The following TAF8 variants were observed in gnomAD, a reference collection of about 807,000 sequenced individuals.
The protein encoded by TAF8 is transcription initiation factor TFIID subunit 8.
A neutral mutation model predicts 36.5 loss-of-function variants in TAF8; 47 were observed. The observed-to-expected ratio is 1.29, with a 90% CI of 1.02 to 1.64. The LOEUF is 1.64. Ranked by LOEUF, TAF8 falls within the 40% of genes most tolerant of loss-of-function variation. TAF8 has a pLI of 0.00. For synonymous variants in TAF8, 175 were observed against 159.5 expected (o/e 1.10, Z -0.73); for missense variants, 420 against 407.6 (o/e 1.03, Z -0.26).
chr6:42,079,461 TAAC>T lies in TAF8; in HGVS notation c.*1921_*1923del, dbSNP rs1383405769. 1.0e-6 allele frequency: 1 copy of T among 985,338 alleles called. No homozygotes were observed. The highest frequency in any genetic ancestry group is 1.2e-6 in the Non-Finnish European group (1 of 829,938). The allele number at this position is 985,338 out of a possible 1,614,324, so 61.0% of individuals were successfully genotyped here. On this transcript the variant is annotated 3_prime_UTR_variant, in exon 9 of 9. Coordinates refer to ENST00000372977, the MANE Select transcript of TAF8 (RefSeq NM_138572.3). ...AAACTAAATCCAAGGAAGAAAAATG[TAAC>T]AACACGTGGAAGTGAACACTGGATG...
chr6:42,077,794 C>T lies in TAF8; in HGVS notation c.*249C>T. On this transcript the variant is annotated 3_prime_UTR_variant, in exon 9 of 9. Coordinates refer to ENST00000372977, the MANE Select transcript of TAF8 (RefSeq NM_138572.3). ...ATTTTGAGATGGAGTCTTACTCTATCACCCAGGCTGGAATGCAGTGGTGTG... is the reference window on the plus strand; with the variant it reads ...ATTTTGAGATGGAGTCTTACTCTATTACCCAGGCTGGAATGCAGTGGTGTG... 1 of 1,314,230 alleles carries T rather than the reference C, an allele frequency of 7.6e-7. No homozygotes were observed. The highest frequency in any genetic ancestry group is 9.8e-7 in the Non-Finnish European group (1 of 1,017,722). 81.4% of individuals were successfully genotyped at this position (1,314,230 alleles called of 1,614,324 possible). A position where few individuals can be genotyped will look rare whatever the true frequency, so the allele number is the denominator to read the frequency against.
chr6:42,061,084 G>C (rs529670432), intron 5 of TAF8, among the ~76,000 whole-genome samples: 30 of 152,218 alleles, frequency 2.0e-4, no homozygotes, highest in African/African-American at 6.0e-4. Flanking sequence ...AGTTATCTGA[G>C]ACCTGCACTT....
rs58805733 is a variant in TAF8, at chr6:42,081,170, A to AGTGTGT, written c.*3641_*3646dup. On this transcript the variant is annotated 3_prime_UTR_variant, in exon 9 of 9. Transcript: ENST00000372977. The stretch of plus-strand genomic sequence containing the variant: ...TGTCCTTTATTTTCTTTCCTCCTGG[A>AGTGTGT]GTGTGTGTGTGTGTGTGTGTGCGTG... 871 of 137,070 alleles carry AGTGTGT rather than the reference A, an allele frequency of 6.4e-3. 5 individuals carry two copies. The highest frequency in any genetic ancestry group is 0.014 in the Middle Eastern group (4 of 282). The allele number at this position is 137,070 out of a possible 1,614,324, so 8.5% of individuals were successfully genotyped here.
intron 7 of TAF8, among the ~76,000 whole-genome samples, chr6:42,075,257 G>T (rs1765704229): frequency 1.3e-5 from 2 of 152,264 alleles, no homozygotes; most frequent in South Asian, 4.1e-4. Context: ...CCGGCACCTG[G>T]TCTGGCCTGA....
In TAF8 at chr6:42,079,601, C is replaced by A. The variant is rs749247171; in HGVS notation, c.*2056C>A. 51 of 980,990 alleles carry A rather than the reference C, an allele frequency of 5.2e-5. No individual in the cohort carries two copies. Among genetic ancestry groups the A allele is most frequent in the Non-Finnish European group, 5.8e-5 (48 of 826,278 alleles). The allele number at this position is 980,990 out of a possible 1,614,324, so 60.8% of individuals were successfully genotyped here. A position where few individuals can be genotyped will look rare whatever the true frequency, so the allele number is the denominator to read the frequency against. ...ATTTTGAGACAGGGTCTCGCTGTGTCGCCCCAGCTGGAGTATAGTGGCACT... is the reference window on the plus strand; with the variant it reads ...ATTTTGAGACAGGGTCTCGCTGTGTAGCCCCAGCTGGAGTATAGTGGCACT... On this transcript the variant is annotated 3_prime_UTR_variant, in exon 9 of 9. Transcript: ENST00000372977.
chr6:42,086,584 T>C (rs957865136), downstream of TAF8: 7 of 888,950 alleles, frequency 7.9e-6, no homozygotes, highest in Admixed American at 8.1e-5. Context: ...ACAAACCTTT[T>C]AAATCATCAC....
intron 5 of TAF8, among the ~76,000 whole-genome samples, chr6:42,061,385 T>G (rs78935238): frequency 6.6e-6 from 1 of 152,236 alleles, no homozygotes; most frequent in African/African-American, 2.4e-5. Context: ...TGAAAGTTTT[T>G]CCTCTATTCT....
chr6:42,054,689 A>G (rs186150690), intron 2 of TAF8, among the ~76,000 whole-genome samples: 272 of 148,606 alleles, frequency 1.8e-3, no homozygotes, highest in Non-Finnish European at 3.2e-3. Flanking sequence ...GCTCACTGCA[A>G]CCACCTCCAC....
At chr6:42,051,711 A>T in intron 2 of TAF8, 198 bp downstream of exon 2, 1 of 467,026 alleles carries the variant, frequency 2.1e-6, no homozygotes, top group Non-Finnish European at 3.7e-6. Flanking sequence ...CTGTAATCCC[A>T]GTACTTTAGG....
In TAF8 at chr6:42,077,584, C is replaced by T. The variant is rs764739439; in HGVS notation, c.*39C>T. ...CCTGGCTTGTACAGGGGCGCAGATT[C>T]CACCCTCCCGGGGAGTTAAAGCCAC... is the stretch of plus-strand genomic sequence containing the variant. On this transcript the variant is annotated 3_prime_UTR_variant, in exon 9 of 9. Transcript: ENST00000372977. 1.2e-6 allele frequency: 2 copies of T among 1,610,146 alleles called. No individual in the cohort carries two copies. The highest frequency in any genetic ancestry group is 4.5e-5 in the East Asian group (2 of 44,800).
intron 2 of TAF8, chr6:42,051,790 G>A (rs9349213): frequency 0.1 from 21,868 of 215,344 alleles, 1,419 homozygotes; most frequent in East Asian, 0.21. Context: ...GCGAAACCCC[G>A]TCTCTACTAA....
intron 7 of TAF8, among the ~76,000 whole-genome samples, chr6:42,075,667 C>G (rs570147276): frequency 2.6e-5 from 4 of 151,902 alleles, no homozygotes; most frequent in Non-Finnish European, 5.9e-5. Context: ...ACTTCTTCCC[C>G]GTGGAAGAAC....
intron 2 of TAF8, among the ~76,000 whole-genome samples, chr6:42,055,208 G>A (rs898763206): frequency 3.3e-5 from 5 of 152,202 alleles, no homozygotes; most frequent in African/African-American, 1.2e-4. Flanking sequence ...ACAGGCCTGC[G>A]CCACCACACC....
chr6:42,064,500 C>T (rs1765292772), intron 5 of TAF8, among the ~76,000 whole-genome samples: 1 of 151,986 alleles, frequency 6.6e-6, no homozygotes, highest in Non-Finnish European at 1.5e-5. Flanking sequence ...GGTAATCTAT[C>T]CGCCTCGGCC....
At chr6:42,059,331 C>T (rs935698576) in intron 5 of TAF8, among the ~76,000 whole-genome samples, 2 of 151,214 alleles carry the variant, frequency 1.3e-5, no homozygotes, top group Non-Finnish European at 2.9e-5. Context: ...TGCAGTGAGC[C>T]GTGATTGCAC....
downstream of TAF8, among the ~76,000 whole-genome samples, chr6:42,086,391 G>A (rs1314146595): frequency 6.6e-6 from 1 of 152,200 alleles, no homozygotes; most frequent in Non-Finnish European, 1.5e-5. Context: ...TTGAAATACG[G>A]TGTCCTCATC....
chr6:42,056,896 G>A (rs74526869), intron 4 of TAF8, among the ~76,000 whole-genome samples: 12,975 of 152,188 alleles, frequency 0.085, 735 homozygotes, highest in East Asian at 0.25. Context: ...GTGAGCCACC[G>A]CACCCGGCCT....
At chr6:42,071,400 A>G (rs1223086409) in intron 7 of TAF8, 2 of 171,326 alleles carry the variant, frequency 1.2e-5, no homozygotes, top group African/African-American at 5.7e-5. Context: ...ATCTTGGCTC[A>G]CTGCAACCTC....
downstream of TAF8, chr6:42,083,372 T>C (rs1765974958): frequency 2.0e-5 from 3 of 152,222 alleles, no homozygotes; most frequent in South Asian, 6.2e-4. Context: ...CAAGCATTGA[T>C]GCAACAAGCA....
Sources: gnomAD v4.1 joint callset for allele counts (sites outside exome capture counted in the v4.1 genomes callset) on GRCh38, gnomAD v4.1.1 for gene constraint, MANE v1.5 for transcripts, NCBI Gene and HGNC (gene_info 2026-07-23, HGNC 2026-07-21) for gene names.